TRERF1: variants seen among roughly 807,000 people sequenced by gnomAD.
TRERF1 encodes transcriptional regulating factor 1.
TRERF1 carries 27 observed loss-of-function variants against 122.9 expected under a neutral mutation model. The ratio of observed to expected loss-of-function variants is 0.22; its 90% CI spans 0.16 to 0.30. The LOEUF (loss-of-function observed/expected upper bound fraction) is 0.30, where lower values mean the gene tolerates loss of function less well. Among genes scored for constraint, TRERF1 ranks in the 10% least tolerant of loss-of-function variants. The pLI is 1.00. For missense variants in TRERF1, 1,248 were observed against 1,560.3 expected, an observed-to-expected ratio of 0.80 and a Z score of 3.37; for synonymous variants, 636 against 641.7, an observed-to-expected ratio of 0.99 and a Z score of 0.13.
chr6:42,384,016 A>G (rs1278695370), intron 2 of TRERF1, among the ~76,000 whole-genome samples: 4 of 151,728 alleles, frequency 2.6e-5, no homozygotes, highest in African/African-American at 9.7e-5. Context: ...TGTCTCATTC[A>G]TTGATGGTTT....
At chr6:42,365,908 C>A (rs1376928502) in intron 2 of TRERF1, among the ~76,000 whole-genome samples, 1 of 152,196 alleles carries the variant, frequency 6.6e-6, no homozygotes, top group Non-Finnish European at 1.5e-5. Context: ...TTTGGAGGCT[C>A]CTCAATACAG....
chr6:42,233,507 G>C lies in TRERF1; in HGVS notation c.3067-615C>G, dbSNP rs4711711. ...TCACCGTGTTAGCCAGGATGGTCTC[G>C]ATCTCCTGACCTTGTGATCTGCCCG... On this transcript the variant is annotated intron_variant, in intron 16 of 17. Transcript: ENST00000372922. Among the ~76,000 whole-genome samples the C allele has an allele frequency of 3.8e-3, 575 of 151,806 alleles. 1 individual carries two copies. Among genetic ancestry groups the C allele is most frequent in the African/African-American group, 9.4e-3 (390 of 41,366 alleles).
At chr6:42,340,533 TAAG>T (rs1767074266) in intron 3 of TRERF1, among the ~76,000 whole-genome samples, 1 of 152,154 alleles carries the variant, frequency 6.6e-6, no homozygotes, top group South Asian at 2.1e-4. Flanking sequence ...ACACACCACA[TAAG>T]AAGCTTCAGA....
chr6:42,298,141 TTTTTTG>T (rs894267973), intron 4 of TRERF1, among the ~76,000 whole-genome samples: 28 of 151,974 alleles, frequency 1.8e-4, no homozygotes, highest in East Asian at 1.2e-3. Flanking sequence ...GTTGTTGTTT[TTTTTTG>T]TTTTTGTTTT....
At chr6:42,236,104 T>C in intron 16 of TRERF1, 101 bp downstream of exon 16, 1 of 1,461,604 alleles carries the variant, frequency 6.8e-7, no homozygotes, top group Non-Finnish European at 9.0e-7. Context: ...AAACTGTGAC[T>C]GTTGGAAGAG....
intron 2 of TRERF1, among the ~76,000 whole-genome samples, chr6:42,444,168 G>T (rs1413202318): frequency 7.0e-6 from 1 of 143,138 alleles, no homozygotes; most frequent in Non-Finnish European, 1.5e-5. Context: ...TAAACAACAG[G>T]CAGCCTTTGC....
chr6:42,254,173 C>T (rs1776313187), intron 13 of TRERF1, among the ~76,000 whole-genome samples: 1 of 152,108 alleles, frequency 6.6e-6, no homozygotes, highest in Non-Finnish European at 1.5e-5. Flanking sequence ...CATACAAAAC[C>T]CTGCGTGTAT....
At chr6:42,233,322 G>A (rs1374574679) in intron 16 of TRERF1, among the ~76,000 whole-genome samples, 1 of 130,196 alleles carries the variant, frequency 7.7e-6, no homozygotes, top group East Asian at 2.2e-4. Flanking sequence ...GTCTCGCTCT[G>A]TCACCCAGGC....
chr6:42,229,540 C>G (rs1246025525), intron 17 of TRERF1, among the ~76,000 whole-genome samples: 1 of 152,164 alleles, frequency 6.6e-6, no homozygotes. Context: ...CCCTGTCAAC[C>G]CAATTGCTCT....
chr6:42,437,639 T>A (rs1180723663), intron 2 of TRERF1, among the ~76,000 whole-genome samples: 1 of 152,164 alleles, frequency 6.6e-6, no homozygotes, highest in African/African-American at 2.4e-5. Context: ...AGTCATGCTG[T>A]CTGGTAAGGC....
intron 2 of TRERF1, among the ~76,000 whole-genome samples, chr6:42,438,053 C>T (rs529284013): frequency 1.3e-5 from 2 of 152,008 alleles, no homozygotes; most frequent in Non-Finnish European, 2.9e-5. Context: ...TCCCGAGCAG[C>T]TGGGATTACA....
intron 3 of TRERF1, among the ~76,000 whole-genome samples, chr6:42,351,398 T>C (rs181178349): frequency 6.6e-6 from 1 of 152,294 alleles, no homozygotes; most frequent in Non-Finnish European, 1.5e-5. Context: ...AATAAAGAAA[T>C]GATACATCAA....
chr6:42,357,140 C>T (rs1181301049), intron 3 of TRERF1, among the ~76,000 whole-genome samples: 3 of 151,572 alleles, frequency 2.0e-5, no homozygotes, highest in African/African-American at 7.3e-5. Flanking sequence ...ACCAGCCTGA[C>T]CAACATGGTG....
chr6:42,241,855 G>A (rs1178193499), intron 15 of TRERF1, among the ~76,000 whole-genome samples: 2 of 152,202 alleles, frequency 1.3e-5, no homozygotes, highest in African/African-American at 4.8e-5. Flanking sequence ...AGCACTTTGG[G>A]AAGCCAAGGC....
At chr6:42,250,277 T>C (rs1016857719) in intron 13 of TRERF1, among the ~76,000 whole-genome samples, 1 of 152,208 alleles carries the variant, frequency 6.6e-6, no homozygotes, top group Non-Finnish European at 1.5e-5. Context: ...CCCCTGCTGA[T>C]ATGTGGACAG....
At chr6:42,309,411 A>G (rs532797377) in intron 3 of TRERF1, among the ~76,000 whole-genome samples, 59 of 152,204 alleles carry the variant, frequency 3.9e-4, no homozygotes, top group Non-Finnish European at 7.9e-4. Context: ...CTGACTCCAC[A>G]GACCATATTT....
intron 3 of TRERF1, among the ~76,000 whole-genome samples, chr6:42,341,927 G>A (rs1767367391): frequency 6.6e-6 from 1 of 152,178 alleles, no homozygotes; most frequent in Non-Finnish European, 1.5e-5. Context: ...ACAATCCCAG[G>A]CTTTGGTAAT....
intron 2 of TRERF1, among the ~76,000 whole-genome samples, chr6:42,367,954 C>T (rs1237697000): frequency 6.6e-6 from 1 of 152,104 alleles, no homozygotes; most frequent in Non-Finnish European, 1.5e-5. Context: ...TCCTCAGCTG[C>T]CATCTCCTTC....
intron 3 of TRERF1, among the ~76,000 whole-genome samples, chr6:42,323,432 C>T (rs1224521092): frequency 3.9e-5 from 6 of 151,998 alleles, no homozygotes; most frequent in Admixed American, 1.3e-4. Context: ...CTCCTGACCT[C>T]GTGATCCACC....
Sources: gnomAD v4.1 joint callset for allele counts (sites outside exome capture counted in the v4.1 genomes callset) on GRCh38, gnomAD v4.1.1 for gene constraint, MANE v1.5 for transcripts, NCBI Gene and HGNC (gene_info 2026-07-23, HGNC 2026-07-21) for gene names.